The following ARHGAP24 variants were observed in gnomAD, a reference collection of about 807,000 sequenced individuals.
ARHGAP24 encodes the protein Rho GTPase activating protein 24.
A neutral mutation model predicts 76.4 loss-of-function variants in ARHGAP24; 50 were observed. That is an observed-to-expected ratio of 0.65 (90% CI 0.52 to 0.83). The LOEUF is 0.83. ARHGAP24 is among the 40% of genes least tolerant of loss of function. The pLI is 0.00. For missense variants in ARHGAP24, 930 were observed against 914.2 expected (o/e 1.02, Z -0.22); for synonymous variants, 345 against 323.3 (o/e 1.07, Z -0.72).
rs376514020 is a variant in ARHGAP24, at chr4:85,853,619, A to C, written c.269-70029A>C. ...ATTCGGCCATCTTGGAACGGACCTA[A>C]ATGAATAGTATTAAAAGAAAAACCT... On this transcript the variant is annotated intron_variant, in intron 3 of 9. Transcript: ENST00000395184. Among the ~76,000 whole-genome samples, 19 of 152,150 alleles carry C rather than the reference A, an allele frequency of 1.2e-4. No homozygotes were observed. The East Asian group carries it at 3.7e-3, about 30-fold the overall frequency.
intron 2 of ARHGAP24, among the ~76,000 whole-genome samples, chr4:85,703,459 A>G (rs898868770): frequency 4.6e-5 from 7 of 152,162 alleles, no homozygotes; most frequent in East Asian, 1.9e-4. Context: ...TACTTCATTA[A>G]CACATCAAAA....
intron 3 of ARHGAP24, among the ~76,000 whole-genome samples, chr4:85,837,827 A>T (rs1158646763): frequency 6.6e-6 from 1 of 152,176 alleles, no homozygotes; most frequent in East Asian, 1.9e-4. Context: ...CAATCTTTGT[A>T]ACTGATAATT....
At chr4:85,950,818 A>C (rs1275262713) in intron 5 of ARHGAP24, among the ~76,000 whole-genome samples, 1 of 151,864 alleles carries the variant, frequency 6.6e-6, no homozygotes, top group East Asian at 1.9e-4. Flanking sequence ...TTACAGGTGC[A>C]TGCCACCATA....
At chr4:85,654,088 A>G (rs1260123804) in intron 2 of ARHGAP24, among the ~76,000 whole-genome samples, 2 of 152,186 alleles carry the variant, frequency 1.3e-5, no homozygotes, top group African/African-American at 2.4e-5. Flanking sequence ...TATAACTGCC[A>G]TTACAAAATG....
chr4:85,829,329 T>C (rs1272479245), intron 3 of ARHGAP24, among the ~76,000 whole-genome samples: 1 of 152,186 alleles, frequency 6.6e-6, no homozygotes, highest in East Asian at 1.9e-4. Flanking sequence ...ACAAAGAACA[T>C]ATAATATTAA....
chr4:85,805,590 G>A (rs943920182), intron 3 of ARHGAP24, among the ~76,000 whole-genome samples: 2 of 152,214 alleles, frequency 1.3e-5, no homozygotes, highest in East Asian at 3.9e-4. Flanking sequence ...GATCACAAAT[G>A]ATTCCCCTGC....
intron 2 of ARHGAP24, among the ~76,000 whole-genome samples, chr4:85,645,403 A>G (rs1035783905): frequency 1.3e-5 from 2 of 152,116 alleles, no homozygotes; most frequent in African/African-American, 4.8e-5. Flanking sequence ...GATTGGATGC[A>G]TTAAAAATCA....
intron 2 of ARHGAP24, among the ~76,000 whole-genome samples, chr4:85,603,569 C>T (rs974432165): frequency 6.6e-6 from 1 of 152,166 alleles, no homozygotes; most frequent in Admixed American, 6.5e-5. Context: ...AATCAGAATG[C>T]TCCTAGGCTT....
chr4:85,630,661 G>A (rs921095040), intron 2 of ARHGAP24, among the ~76,000 whole-genome samples: 1 of 152,062 alleles, frequency 6.6e-6, no homozygotes, highest in Admixed American at 6.6e-5. Context: ...AGAAAGCTAA[G>A]TTCATGGGTG....
chr4:85,767,244 C>A (rs189298886), intron 3 of ARHGAP24, among the ~76,000 whole-genome samples: 1 of 152,118 alleles, frequency 6.6e-6, no homozygotes, highest in African/African-American at 2.4e-5. Flanking sequence ...CTGAAGTCTT[C>A]AGGTAATAAT....
chr4:85,506,549 G>A (rs375293451), intron 1 of ARHGAP24, among the ~76,000 whole-genome samples: 15 of 150,224 alleles, frequency 1.0e-4, no homozygotes, highest in African/African-American at 3.5e-4. Flanking sequence ...GACCCACTGA[G>A]CCAGGCACAG....
chr4:85,673,229 T>C (rs1722869134), intron 2 of ARHGAP24, among the ~76,000 whole-genome samples: 1 of 152,208 alleles, frequency 6.6e-6, no homozygotes, highest in Admixed American at 6.5e-5. Flanking sequence ...CTATCGCAGC[T>C]CTGCACTTGG....
At chr4:85,887,757 TC>T (rs1733644383) in intron 3 of ARHGAP24, among the ~76,000 whole-genome samples, 1 of 152,200 alleles carries the variant, frequency 6.6e-6, no homozygotes, top group South Asian at 2.1e-4. Context: ...TACTAAAGAA[TC>T]TAAAGATGCT....
At chr4:85,914,036 A>G (rs1735227535) in intron 3 of ARHGAP24, among the ~76,000 whole-genome samples, 2 of 152,206 alleles carry the variant, frequency 1.3e-5, no homozygotes, top group Non-Finnish European at 2.9e-5. Context: ...TAAGTATGGT[A>G]TCTTCAATAC....
intron 1 of ARHGAP24, among the ~76,000 whole-genome samples, chr4:85,495,326 G>A (rs922179881): frequency 6.9e-6 from 1 of 145,358 alleles, no homozygotes. Context: ...AGTCAAGTAA[G>A]TACAGAAGTA....
In ARHGAP24 at chr4:85,550,822, G is replaced by C. The variant is rs376442275; in HGVS notation, c.-20-19700G>C. Among the ~76,000 whole-genome samples the C allele has an allele frequency of 6.0e-4, 91 of 152,234 alleles. 1 individual carries two copies. Among genetic ancestry groups the C allele is most frequent in the African/African-American group, 2.0e-3 (84 of 41,544 alleles). On this transcript the variant is annotated intron_variant, in intron 1 of 9. Transcript: ENST00000395184. ...TTCTTTTTGTGGCTGTTGTAAATGG[G>C]ATTGCATTCTTGATCTGGCTCTCAG...
chr4:85,923,001 C>G (rs1478692969), intron 3 of ARHGAP24, among the ~76,000 whole-genome samples: 1 of 152,120 alleles, frequency 6.6e-6, no homozygotes, highest in African/African-American at 2.4e-5. Context: ...GGTGCGAGAG[C>G]CATTGGGGGT....
chr4:85,808,604 G>A (rs1438279589), intron 3 of ARHGAP24, among the ~76,000 whole-genome samples: 1 of 152,064 alleles, frequency 6.6e-6, no homozygotes, highest in Non-Finnish European at 1.5e-5. Context: ...TCTCTGACTT[G>A]ACTCTTAATA....
intron 2 of ARHGAP24, among the ~76,000 whole-genome samples, chr4:85,641,842 T>A (rs769151626): frequency 6.6e-6 from 1 of 152,152 alleles, no homozygotes; most frequent in Non-Finnish European, 1.5e-5. Flanking sequence ...GGAGCCTCCA[T>A]GTGTTCAGCT....
Sources: gnomAD v4.1 joint callset for allele counts (sites outside exome capture counted in the v4.1 genomes callset) on GRCh38, gnomAD v4.1.1 for gene constraint, MANE v1.5 for transcripts, NCBI Gene and HGNC (gene_info 2026-07-23, HGNC 2026-07-21) for gene names.